Variants in MDFI observed in about 807,000 individuals in gnomAD.
The protein encoded by MDFI is MyoD family inhibitor, also known as inhibitor of MyoD family a.
MDFI carries 16 observed loss-of-function variants against 22.3 expected under a neutral mutation model. The observed-to-expected ratio is 0.72, with a 90% CI of 0.49 to 1.09. The LOEUF (loss-of-function observed/expected upper bound fraction) is 1.09. MDFI is among the 50% of genes least tolerant of loss of function. The pLI, the probability that MDFI is intolerant of heterozygous loss-of-function variation, is 0.00. For synonymous variants in MDFI, 145 were observed against 142.7 expected (o/e 1.02, Z -0.12); for missense variants, 314 against 326.1 (o/e 0.96, Z 0.29).
rs182344868 is a variant in MDFI, at chr6:41,653,143, G to A, written c.485-176G>A. ...CGATGTGCTTAACTGTCTGTGCCTC[G>A]GGGTCATCACCTAGAAAATGGAGCT... is the stretch of plus-strand genomic sequence containing the variant. On this transcript the variant is annotated intron_variant, in intron 4 of 4. Coordinates refer to ENST00000230321, the MANE Select transcript of MDFI (RefSeq NM_005586.4). This position sits in a 1 kb window ranked among gnomAD's most constrained non-coding sequence, Gnocchi z 4.2. 3.1e-4 allele frequency among the ~76,000 whole-genome samples: 47 copies of A among 152,300 alleles called. No individual in the cohort carries two copies. Among genetic ancestry groups the A allele is most frequent in the African/African-American group, 9.6e-4 (40 of 41,558 alleles).
chr6:41,652,912 C>A (rs1768329608), intron 4 of MDFI, among the ~76,000 whole-genome samples: 1 of 152,134 alleles, frequency 6.6e-6, no homozygotes, highest in African/African-American at 2.4e-5. Flanking sequence ...GCCACTGGGC[C>A]CGGCCGACTT....
chr6:41,646,085 G>A, intron 2 of MDFI, 41 bp from the exon 3 acceptor site: 2 of 1,418,250 alleles, frequency 1.4e-6, no homozygotes, highest in South Asian at 1.7e-5. Context: ...AAACAGGAAG[G>A]CCCCAGGAAA....
At chr6:41,642,827 A>G (rs1337106040) in intron 2 of MDFI, among the ~76,000 whole-genome samples, 1 of 152,000 alleles carries the variant, frequency 6.6e-6, no homozygotes, top group Non-Finnish European at 1.5e-5. Flanking sequence ...GCACTCTGTA[A>G]TTTCCTGTTC....
chr6:41,649,617 A>C lies in MDFI; in HGVS notation c.260-2A>C. The C allele has an allele frequency of 1.3e-6, 2 of 1,589,836 alleles. No homozygotes were observed. The highest frequency in any genetic ancestry group is 1.7e-6 in the Non-Finnish European group (2 of 1,165,992). On this transcript the variant is annotated splice_acceptor_variant, in intron 3 of 4. Transcript: ENST00000230321. LOFTEE classifies it high-confidence loss of function. ...CATCACACTTTCTCTTCATCTCTCC[A>C]GGCCAGCCTCAGGGGAACCCCTTGG...
chr6:41,652,126 G>A lies in MDFI; in HGVS notation c.485-1193G>A, dbSNP rs556922083. ...AGGGAGTGTGAGGCAGAGCCAGCCG[G>A]TTGCGGTATTGAAGCGGGTGGTGGA... On this transcript the variant is annotated intron_variant, in intron 4 of 4. Transcript: ENST00000230321. Among the ~76,000 whole-genome samples the A allele has an allele frequency of 6.9e-4, 105 of 152,338 alleles. 1 individual carries two copies. Among genetic ancestry groups the A allele is most frequent in the African/African-American group, 2.4e-3 (101 of 41,582 alleles).
At chr6:41,637,730 C>T (rs575849916), upstream of MDFI, among the ~76,000 whole-genome samples, 13 of 152,302 alleles carry the variant, frequency 8.5e-5, no homozygotes, top group South Asian at 1.4e-3. This position sits in a 1 kb window ranked among gnomAD's most constrained non-coding sequence, Gnocchi z 6.8. Context: ...TCCCCTTTCT[C>T]CCCGAACCCT....
At chr6:41,640,840 C>A (rs1313736613) in intron 2 of MDFI, among the ~76,000 whole-genome samples, 2 of 152,218 alleles carry the variant, frequency 1.3e-5, no homozygotes, top group Middle Eastern at 3.2e-3. Flanking sequence ...CCCCTGAGAG[C>A]CCCGGGAGCC....
At chr6:41,637,433 G>C (rs1052938181), upstream of MDFI, among the ~76,000 whole-genome samples, 1 of 152,052 alleles carries the variant, frequency 6.6e-6, no homozygotes, top group Non-Finnish European at 1.5e-5. The surrounding 1 kb of genome is among the most constrained non-coding windows in gnomAD (Gnocchi z 6.8). Flanking sequence ...ACTGGCCCTC[G>C]TGGCGGGGAG....
intron 4 of MDFI, among the ~76,000 whole-genome samples, chr6:41,652,707 C>CCA (rs1768320345): frequency 6.7e-6 from 1 of 149,964 alleles, no homozygotes; most frequent in Non-Finnish European, 1.5e-5. Context: ...GCCTCCACCT[C>CCA]CTGGGTTCAA....
chr6:41,646,179 C>T lies in MDFI; in HGVS notation c.130C>T (p.Pro44Ser), dbSNP rs1768044671. 6.3e-7 allele frequency: 1 copy of T among 1,588,484 alleles called. No homozygotes were observed. The highest frequency in any genetic ancestry group is 8.6e-7 in the Non-Finnish European group (1 of 1,167,920). ...GGAGGTAGTAACAGGATCCACTCAC[C>T]CTGCGGAGGCAGCACCAGAGGAGGG... The part of the protein sequence containing the change: ...GLEVVTGSTH[P>S]AEAAPEEGSL... The change falls in exon 3 of 5, where the codon CCT becomes TCT. Residue 44 changes from proline (P) to serine (S), a missense_variant. By Grantham distance (74) the Pro-to-Ser change is moderately conservative. Coordinates refer to ENST00000230321, the MANE Select transcript of MDFI (RefSeq NM_005586.4).
chr6:41,640,487 C>T (rs1767813160), intron 2 of MDFI, among the ~76,000 whole-genome samples: 1 of 152,166 alleles, frequency 6.6e-6, no homozygotes, highest in South Asian at 2.1e-4. Flanking sequence ...CTGGGCCAGA[C>T]AATGCGGCTT....
chr6:41,648,165 C>T (rs781660189), intron 3 of MDFI, among the ~76,000 whole-genome samples: 6 of 152,038 alleles, frequency 3.9e-5, no homozygotes, highest in Admixed American at 1.3e-4. Flanking sequence ...ATTCCTCAGT[C>T]GCTTGTCTCC....
At chr6:41,651,938 G>A (rs1223353344) in intron 4 of MDFI, among the ~76,000 whole-genome samples, 1 of 152,236 alleles carries the variant, frequency 6.6e-6, no homozygotes, top group Non-Finnish European at 1.5e-5. Flanking sequence ...CGCTGTTCTA[G>A]GGACTTGTAA....
chr6:41,652,279 T>C (rs561690572), intron 4 of MDFI, among the ~76,000 whole-genome samples: 1 of 152,294 alleles, frequency 6.6e-6, no homozygotes, highest in East Asian at 1.9e-4. Flanking sequence ...GCCAGGAGGC[T>C]GGCGTGGCCA....
In MDFI at chr6:41,653,241, C is replaced by A; in HGVS notation, c.485-78C>A. ...CCCTGCTGCTGCCGCTGCCGCAGGC[C>A]CCCACACCCCCGGCTATTTCACACA... On this transcript the variant is annotated intron_variant, in intron 4 of 4. Coordinates refer to ENST00000230321, the MANE Select transcript of MDFI (RefSeq NM_005586.4). This position sits in a 1 kb window ranked among gnomAD's most constrained non-coding sequence, Gnocchi z 4.2. 6.7e-7 allele frequency: 1 copy of A among 1,485,058 alleles called. No individual in the cohort carries two copies. 92.0% of individuals were successfully genotyped at this position (1,485,058 alleles called of 1,614,324 possible).
At chr6:41,647,932 T>G (rs966212781) in intron 3 of MDFI, among the ~76,000 whole-genome samples, 2 of 150,186 alleles carry the variant, frequency 1.3e-5, no homozygotes. Flanking sequence ...AGTCCCTAGC[T>G]ACTCGGGAGG....
chr6:41,647,650 C>T (rs1317355232), intron 3 of MDFI, among the ~76,000 whole-genome samples: 1 of 151,566 alleles, frequency 6.6e-6, no homozygotes, highest in Non-Finnish European at 1.5e-5. Flanking sequence ...TTCATGCCCT[C>T]CCCACTCCAC....
At chr6:41,640,354 A>G (rs1561827558) in intron 2 of MDFI, among the ~76,000 whole-genome samples, 1 of 152,078 alleles carries the variant, frequency 6.6e-6, no homozygotes, top group Non-Finnish European at 1.5e-5. Context: ...TCTCAGCTCC[A>G]GCAGCAAGAG....
At position 41,653,281 on chromosome 6, in the gene MDFI, C is replaced by A; in HGVS notation, c.485-38C>A. The stretch of plus-strand genomic sequence containing the variant: ...TATTTCACACACGCTCATCCCTCCC[C>A]TCTCTCACCCGTCCCCCTCTCCACC... On this transcript the variant is annotated intron_variant, in intron 4 of 4. Coordinates refer to ENST00000230321, the MANE Select transcript of MDFI (RefSeq NM_005586.4). The surrounding 1 kb of genome is among the most constrained non-coding windows in gnomAD (Gnocchi z 4.2). 2 of 1,597,770 alleles carry A rather than the reference C, an allele frequency of 1.3e-6. No individual in the cohort carries two copies. The highest frequency in any genetic ancestry group is 2.2e-5 in the South Asian group (2 of 90,168).
Sources: gnomAD v4.1 joint callset for allele counts (sites outside exome capture counted in the v4.1 genomes callset) on GRCh38, gnomAD v4.1.1 for gene constraint, Gnocchi (gnomAD v3.1) non-coding constraint, MANE v1.5 for transcripts, NCBI Gene and HGNC (gene_info 2026-07-23, HGNC 2026-07-21) for gene names.